Variants in CFAP43 observed in about 807,000 individuals in gnomAD.
The protein encoded by CFAP43 is cilia and flagella associated protein 43, also known as cilia- and flagella-associated protein 43.
A neutral mutation model predicts 218.9 loss-of-function variants in CFAP43; 155 were observed. The ratio of observed to expected loss-of-function variants is 0.71; its 90% CI spans 0.62 to 0.81. The LOEUF is 0.81. Among genes scored for constraint, CFAP43 ranks in the 30% least tolerant of loss-of-function variants. The pLI is 0.00. For synonymous variants in CFAP43, 645 were observed against 681.3 expected, an observed-to-expected ratio of 0.95 and a Z score of 0.83; for missense variants, 1,778 against 1,954.3, an observed-to-expected ratio of 0.91 and a Z score of 1.70.
intron 5 of CFAP43, among the ~76,000 whole-genome samples, chr10:104,209,677 A>C (rs2134965738): frequency 6.6e-6 from 1 of 152,326 alleles, no homozygotes; most frequent in South Asian, 2.1e-4. Flanking sequence ...GCCCAGAAAA[A>C]CCCAATTTGA....
intron 27 of CFAP43, among the ~76,000 whole-genome samples, chr10:104,157,775 T>TGTGAGAGAGAGAGAGAGAGA (rs1484523345): frequency 1.1e-4 from 10 of 90,158 alleles, no homozygotes; most frequent in African/African-American, 4.0e-4. Flanking sequence ...TGTGTGTGTG[T>TGTGAGAGAGAGAGAGAGAGA]GAGAGAGAGA....
chr10:104,220,903 A>G (rs1279595727), intron 3 of CFAP43, among the ~76,000 whole-genome samples: 1 of 152,154 alleles, frequency 6.6e-6, no homozygotes, highest in African/African-American at 2.4e-5. Flanking sequence ...TATCTAACCT[A>G]GAAATTTTAT....
intron 14 of CFAP43, among the ~76,000 whole-genome samples, chr10:104,186,776 G>A (rs926645607): frequency 1.3e-5 from 2 of 152,148 alleles, no homozygotes; most frequent in Admixed American, 6.5e-5. Flanking sequence ...GAGGAAGGAA[G>A]GCAGACCTTA....
chr10:104,179,528 A>G (rs1379190505), intron 18 of CFAP43, among the ~76,000 whole-genome samples: 2 of 152,144 alleles, frequency 1.3e-5, no homozygotes, highest in Non-Finnish European at 2.9e-5. Flanking sequence ...GAGGAAGACA[A>G]GCATCCCCTA....
intron 24 of CFAP43, 88 bp from the exon 25 acceptor site, chr10:104,162,491 T>C: frequency 3.4e-6 from 4 of 1,159,438 alleles, no homozygotes; most frequent in Non-Finnish European, 3.9e-6. Flanking sequence ...GGCTGGAAGA[T>C]ACTAAGGGGA....
At chr10:104,189,808 G>A (rs1270894752) in intron 12 of CFAP43, among the ~76,000 whole-genome samples, 1 of 152,040 alleles carries the variant, frequency 6.6e-6, no homozygotes, top group Non-Finnish European at 1.5e-5. Context: ...ATCAAGACCA[G>A]CCTGAGCAAC....
intron 14 of CFAP43, 73 bp from the exon 15 acceptor site, chr10:104,186,196 A>AACAGGCATGTATATC: frequency 4.1e-6 from 5 of 1,232,832 alleles, no homozygotes; most frequent in African/African-American, 1.5e-5. Context: ...GCAGATATAC[A>AACAGGCATGTATATC]TGCCTGTTGT....
intron 10 of CFAP43, among the ~76,000 whole-genome samples, chr10:104,196,516 C>T (rs1248083521): frequency 6.6e-6 from 1 of 152,186 alleles, no homozygotes; most frequent in Admixed American, 6.5e-5. Flanking sequence ...GTGGAACCCC[C>T]ATCAGCCTGG....
At chr10:104,145,421 C>T in intron 31 of CFAP43, 55 bp downstream of exon 31, 1 of 1,202,806 alleles carries the variant, frequency 8.3e-7, no homozygotes, top group South Asian at 1.4e-5. Context: ...TAGTAACACT[C>T]CTCTTTATTT....
intron 28 of CFAP43, among the ~76,000 whole-genome samples, chr10:104,148,650 C>T (rs1316381160): frequency 1.3e-5 from 2 of 152,210 alleles, no homozygotes; most frequent in Admixed American, 6.5e-5. Context: ...TGCCTCCTCT[C>T]TGACCATGTG....
rs17824653 is a variant in CFAP43, at chr10:104,207,655, A to T, written c.895+10T>A. 15 of 1,609,090 alleles carry T rather than the reference A, an allele frequency of 9.3e-6. No homozygotes were observed. The highest frequency in any genetic ancestry group is 7.8e-5 in the South Asian group (7 of 90,168). On this transcript the variant is annotated intron_variant, in intron 6 of 37. Coordinates refer to ENST00000357060, the MANE Select transcript of CFAP43 (RefSeq NM_025145.7). Reference sequence around the variant, plus strand: ...GCTATACAGGAATATGAAGTAGGACAGTTTCTTACCCAATGGCGATTCCTC... The same window carrying T: ...GCTATACAGGAATATGAAGTAGGACTGTTTCTTACCCAATGGCGATTCCTC...
chr10:104,133,924 A>C (rs2087318189), intron 34 of CFAP43, 140 bp from the exon 35 acceptor site: 1 of 830,940 alleles, frequency 1.2e-6, no homozygotes, highest in African/African-American at 1.7e-5. Flanking sequence ...AGACATTAAA[A>C]ATGGCTTCTT....
intron 2 of CFAP43, among the ~76,000 whole-genome samples, chr10:104,229,852 T>C (rs1343131647): frequency 1.3e-5 from 2 of 152,108 alleles, no homozygotes; most frequent in Admixed American, 1.3e-4. Context: ...CTTTAGAAGC[T>C]ATACAAACAT....
Position 104,162,045 on chromosome 10 carries a change from G to T in CFAP43, c.3334-4C>A. On this transcript the variant is annotated splice_region_variant and splice_polypyrimidine_tract_variant and intron_variant, in intron 25 of 37. Transcript: ENST00000357060. ...CTCGGAGTCTTGTACTGGCATCCTG[G>T]GAAAGAGCCAGAATCAGAGAGGAAT... The T allele has an allele frequency of 6.2e-7, 1 of 1,611,994 alleles. No individual in the cohort carries two copies. Among genetic ancestry groups the T allele is most frequent in the Non-Finnish European group, 8.5e-7 (1 of 1,179,462 alleles).
At chr10:104,173,221 T>C (rs1250009240) in intron 19 of CFAP43, among the ~76,000 whole-genome samples, 1 of 152,188 alleles carries the variant, frequency 6.6e-6, no homozygotes, top group Non-Finnish European at 1.5e-5. Context: ...TTTTTCTTTT[T>C]TGCCCCAAAA....
At chr10:104,131,036 G>C (rs990794910) in intron 37 of CFAP43, among the ~76,000 whole-genome samples, 3 of 150,732 alleles carry the variant, frequency 2.0e-5, no homozygotes, top group African/African-American at 7.3e-5. Context: ...AGAAACACTG[G>C]GGACTACTAG....
rs2088932273 is a variant in CFAP43 at position 104,162,494 on chromosome 10, TAAGGGGATTA to T, written c.3247-101_3247-92del. The T allele has an allele frequency of 7.1e-6, 8 of 1,134,494 alleles. 1 individual carries two copies. In the South Asian group the frequency reaches 8.7e-5, roughly 12 times the overall value. 70.3% of individuals were successfully genotyped at this position (1,134,494 alleles called of 1,614,324 possible). On this transcript the variant is annotated intron_variant, in intron 24 of 37. Transcript: ENST00000357060. The stretch of plus-strand genomic sequence containing the variant: ...ATACTGGGAGGAGGCTGGAAGATAC[TAAGGGGATTA>T]AAGGGACTCTGCAGACTTTGCACCC...
intron 2 of CFAP43, among the ~76,000 whole-genome samples, chr10:104,229,079 A>G (rs988537392): frequency 1.3e-5 from 2 of 152,216 alleles, no homozygotes; most frequent in African/African-American, 4.8e-5. Flanking sequence ...TTTAAAGATA[A>G]AGGGTATAGT....
At chr10:104,196,431 AC>A (rs2090383208) in intron 10 of CFAP43, among the ~76,000 whole-genome samples, 2 of 151,942 alleles carry the variant, frequency 1.3e-5, no homozygotes, top group South Asian at 4.2e-4. Flanking sequence ...ATTCAACAGC[AC>A]CCCCTCTCCC....
Sources: allele counts gnomAD v4.1 joint callset (sites outside exome capture counted in the v4.1 genomes callset), GRCh38; gene constraint gnomAD v4.1.1; transcripts MANE v1.5; gene names NCBI Gene and HGNC (gene_info 2026-07-23, HGNC 2026-07-21).